The following GPC6 variants were observed in gnomAD, a reference collection of about 807,000 sequenced individuals.
The protein encoded by GPC6 is glypican 6, also known as glypican-6.
GPC6 carries 14 observed loss-of-function variants against 55.2 expected under a neutral mutation model. That is an observed-to-expected ratio of 0.25 (90% CI 0.17 to 0.40). The LOEUF (loss-of-function observed/expected upper bound fraction) is 0.40. Ranked by LOEUF, GPC6 falls within the 10% of genes least tolerant of loss-of-function variation. The pLI is 1.00. For synonymous variants in GPC6, 278 were observed against 259.6 expected (o/e 1.07, Z -0.68); for missense variants, 641 against 708.5 (o/e 0.90, Z 1.08).
At chr13:93,632,652 G>C (rs1199898275) in intron 2 of GPC6, among the ~76,000 whole-genome samples, 1 of 85,446 alleles carries the variant, frequency 1.2e-5, no homozygotes, top group African/African-American at 3.2e-5. Flanking sequence ...AATAAAAACT[G>C]TTTTCCAAAT....
chr13:94,167,933 G>A (rs548661548), intron 4 of GPC6, among the ~76,000 whole-genome samples: 1 of 152,280 alleles, frequency 6.6e-6, no homozygotes, highest in African/African-American at 2.4e-5. Context: ...TTATTTTACT[G>A]TCAGTTGTTA....
chr13:93,335,043 A>T (rs1376671409), intron 1 of GPC6, among the ~76,000 whole-genome samples: 1 of 152,178 alleles, frequency 6.6e-6, no homozygotes, highest in Non-Finnish European at 1.5e-5. Context: ...TCCACAGGGC[A>T]ATGTTTCTTC....
intron 5 of GPC6, among the ~76,000 whole-genome samples, chr13:94,305,682 G>A (rs1296190250): frequency 6.6e-6 from 1 of 152,018 alleles, no homozygotes; most frequent in Non-Finnish European, 1.5e-5. Flanking sequence ...ATTAATTCTG[G>A]GGTTACAAAT....
intron 1 of GPC6, among the ~76,000 whole-genome samples, chr13:93,336,602 T>A (rs1212396949): frequency 6.6e-6 from 1 of 152,156 alleles, no homozygotes; most frequent in Non-Finnish European, 1.5e-5. Context: ...AAGCGTTGTT[T>A]TATTTGGAAT....
chr13:94,060,907 C>T (rs1641720310), intron 4 of GPC6, among the ~76,000 whole-genome samples: 1 of 152,168 alleles, frequency 6.6e-6, no homozygotes, highest in African/African-American at 2.4e-5. Flanking sequence ...GTACATGCAA[C>T]ACTCACGGAG....
intron 1 of GPC6, among the ~76,000 whole-genome samples, chr13:93,376,262 G>A (rs934200760): frequency 2.6e-5 from 4 of 151,968 alleles, no homozygotes; most frequent in Non-Finnish European, 4.4e-5. Context: ...GATATTATGG[G>A]CTGGTTTTAC....
chr13:93,336,279 T>A (rs1880042262), intron 1 of GPC6, among the ~76,000 whole-genome samples: 1 of 152,222 alleles, frequency 6.6e-6, no homozygotes, highest in Non-Finnish European at 1.5e-5. Context: ...TGACATACCA[T>A]ATTATTATAT....
chr13:93,786,224 C>T (rs963326057), intron 2 of GPC6, among the ~76,000 whole-genome samples: 4 of 152,054 alleles, frequency 2.6e-5, no homozygotes, highest in East Asian at 1.9e-4. Context: ...ATGGAGACAG[C>T]AGGAGAAGTG....
In GPC6 at chr13:93,227,815, G is replaced by A. The variant is rs1016280427; in HGVS notation, c.160+199G>A. On this transcript the variant is annotated intron_variant, in intron 1 of 8. Coordinates refer to ENST00000377047, the MANE Select transcript of GPC6 (RefSeq NM_005708.5). The surrounding 1 kb of genome is among the most constrained non-coding windows in gnomAD (Gnocchi z 4.3). ...GCGGGGGAAGGTGTGCGTCTCCGCCGCCTCATTGTGTGCACACGCGGGAGC... is the reference window on the plus strand; with the variant it reads ...GCGGGGGAAGGTGTGCGTCTCCGCCACCTCATTGTGTGCACACGCGGGAGC... 1.1e-4 allele frequency among the ~76,000 whole-genome samples: 17 copies of A among 152,140 alleles called. No homozygotes were observed. Among genetic ancestry groups the A allele is most frequent in the African/African-American group, 3.9e-4 (16 of 41,456 alleles).
intron 1 of GPC6, among the ~76,000 whole-genome samples, chr13:93,386,457 T>C (rs1162304371): frequency 6.6e-6 from 1 of 151,668 alleles, no homozygotes; most frequent in Non-Finnish European, 1.5e-5. Flanking sequence ...TTCATGTTAG[T>C]GTCTACACTA....
chr13:94,359,665 T>C (rs2139178843), intron 6 of GPC6, among the ~76,000 whole-genome samples: 2 of 152,106 alleles, frequency 1.3e-5, no homozygotes, highest in East Asian at 1.9e-4. Flanking sequence ...CTGAGACCTT[T>C]TTTTTTTTGA....
At chr13:93,547,714 G>T (rs1284132722) in intron 2 of GPC6, among the ~76,000 whole-genome samples, 6 of 150,974 alleles carry the variant, frequency 4.0e-5, no homozygotes, top group African/African-American at 1.5e-4. Context: ...GAGGCTTTCA[G>T]CCAGAGTGGG....
chr13:93,703,098 T>C (rs1185090615), intron 2 of GPC6, among the ~76,000 whole-genome samples: 1 of 151,948 alleles, frequency 6.6e-6, no homozygotes, highest in Non-Finnish European at 1.5e-5. Flanking sequence ...TTATTTCTAG[T>C]TTTTTATTTA....
At chr13:93,377,199 AG>A (rs2077788089) in intron 1 of GPC6, among the ~76,000 whole-genome samples, 1 of 152,210 alleles carries the variant, frequency 6.6e-6, no homozygotes, top group Non-Finnish European at 1.5e-5. Flanking sequence ...CTTAGGGTAA[AG>A]ATGGGCCAGA....
intron 1 of GPC6, among the ~76,000 whole-genome samples, chr13:93,479,170 AT>A (rs1879405154): frequency 6.6e-6 from 1 of 152,164 alleles, no homozygotes; most frequent in South Asian, 2.1e-4. Context: ...TTGGGAAACT[AT>A]TACCAATTCA....
intron 3 of GPC6, among the ~76,000 whole-genome samples, chr13:93,951,037 A>G (rs1323193329): frequency 6.6e-6 from 1 of 152,138 alleles, no homozygotes; most frequent in East Asian, 1.9e-4. Flanking sequence ...ATCTGTAACA[A>G]AAAATTTCAC....
At chr13:94,121,864 C>G (rs1224814013) in intron 4 of GPC6, among the ~76,000 whole-genome samples, 1 of 152,100 alleles carries the variant, frequency 6.6e-6, no homozygotes, top group East Asian at 1.9e-4. Context: ...CTCAGTAATA[C>G]AGGAGTCCTT....
intron 1 of GPC6, among the ~76,000 whole-genome samples, chr13:93,371,507 T>C (rs970564766): frequency 2.0e-5 from 3 of 152,176 alleles, no homozygotes. Context: ...GAGTTTCTTA[T>C]AATTCGACCT....
Position 93,924,169 on chromosome 13 carries a change from T to G in GPC6, c.711+93624T>G, listed in dbSNP as rs149751712. ...TTCTTTGGATGTTAATTATCCCCAT[T>G]CATACACCCTCTTTATTATACATTT... On this transcript the variant is annotated intron_variant, in intron 3 of 8. Coordinates refer to ENST00000377047, the MANE Select transcript of GPC6 (RefSeq NM_005708.5). Among the ~76,000 whole-genome samples, 713 of 152,350 alleles carry G rather than the reference T, an allele frequency of 4.7e-3. 9 individuals are homozygous for G. Among genetic ancestry groups the G allele is most frequent in the African/African-American group, 0.017 (688 of 41,556 alleles).
Sources: gnomAD v4.1 joint callset for allele counts (sites outside exome capture counted in the v4.1 genomes callset) on GRCh38, gnomAD v4.1.1 for gene constraint, Gnocchi (gnomAD v3.1) non-coding constraint, MANE v1.5 for transcripts, NCBI Gene and HGNC (gene_info 2026-07-23, HGNC 2026-07-21) for gene names.